Variants in PROSER2 observed in about 807,000 individuals in gnomAD.
The protein encoded by PROSER2 is proline and serine-rich protein 2.
Under a neutral mutation model 14.6 loss-of-function variants are expected in PROSER2, and 18 were observed. The ratio of observed to expected loss-of-function variants is 1.23; its 90% confidence interval spans 0.85 to 1.83. The LOEUF (loss-of-function observed/expected upper bound fraction) is 1.83, where lower values mean the gene tolerates loss of function less well. PROSER2 is among the 40% of genes most tolerant of loss of function. The probability of loss-of-function intolerance (pLI) is 0.00; values close to 1 mark genes in which losing one functional copy is unlikely to be tolerated. For synonymous variants in PROSER2, 367 were observed against 286.4 expected, an observed-to-expected ratio of 1.28 and a Z score of -2.84; for missense variants, 823 against 629.8, an observed-to-expected ratio of 1.31 and a Z score of -3.28.
At chr10:11,827,672 C>T (rs1178493944) in intron 1 of PROSER2, among the ~76,000 whole-genome samples, 1 of 144,688 alleles carries the variant, frequency 6.9e-6, no homozygotes, top group Non-Finnish European at 1.5e-5. Context: ...GGCATACAAA[C>T]ATGGAAGTCC....
chr10:11,847,376 G>T (rs906615681), intron 1 of PROSER2, among the ~76,000 whole-genome samples: 11 of 152,070 alleles, frequency 7.2e-5, no homozygotes, highest in African/African-American at 2.7e-4. Context: ...GATGGAGTCA[G>T]TGGCTGGTTT....
Position 11,856,105 on chromosome 10 carries a change from C to T in PROSER2, c.138+3890C>T, listed in dbSNP as rs1016982964. ...GCTTTGATGTGTGTGCAAGGCGGTG[C>T]TTCCTGACAACGTCGGGAGTGTGCT... On this transcript the variant is annotated intron_variant, in intron 2 of 3. Transcript: ENST00000277570. The surrounding 1 kb of genome is among the most constrained non-coding windows in gnomAD (Gnocchi z 5.3). 8.5e-5 allele frequency among the ~76,000 whole-genome samples: 13 copies of T among 152,336 alleles called. No individual in the cohort carries two copies. Among genetic ancestry groups the T allele is most frequent in the African/African-American group, 2.9e-4 (12 of 41,580 alleles).
In PROSER2 at chr10:11,870,917, A is replaced by C. The variant is rs1834476668; in HGVS notation, c.*511A>C. Reference sequence around the variant, plus strand: ...TACTTGCTTTTGTTTTTGAAGGGTGAGGCATCATGGTACTTTGCTTTTGTT... The same window carrying C: ...TACTTGCTTTTGTTTTTGAAGGGTGCGGCATCATGGTACTTTGCTTTTGTT... On this transcript the variant is annotated 3_prime_UTR_variant, in exon 4 of 4. Transcript: ENST00000277570. 1 of 158,752 alleles carries C rather than the reference A, an allele frequency of 6.3e-6. No homozygotes were observed. The highest frequency in any genetic ancestry group is 1.5e-5 in the Non-Finnish European group (1 of 68,108). The allele number at this position is 158,752 out of a possible 1,614,324, so 9.8% of individuals were successfully genotyped here.
At chr10:11,833,172 G>T (rs1025466982) in intron 1 of PROSER2, among the ~76,000 whole-genome samples, 1 of 147,044 alleles carries the variant, frequency 6.8e-6, no homozygotes, top group Non-Finnish European at 1.5e-5. Context: ...TATGAATTTT[G>T]GTTAAGTAAC....
intron 1 of PROSER2, among the ~76,000 whole-genome samples, chr10:11,841,430 T>A (rs1475805427): frequency 6.6e-6 from 1 of 152,152 alleles, no homozygotes; most frequent in Non-Finnish European, 1.5e-5. Flanking sequence ...TCTATTTAAT[T>A]TCATGTTCTT....
rs1231663519 is a variant in PROSER2 at position 11,871,068 on chromosome 10, C to CT, written c.*663dup. The CT allele has an allele frequency of 6.6e-6, 1 of 152,126 alleles. No individual in the cohort carries two copies. Among genetic ancestry groups the CT allele is most frequent in the African/African-American group, 2.4e-5 (1 of 41,392 alleles). The allele number at this position is 152,126 out of a possible 1,614,324, so 9.4% of individuals were successfully genotyped here. Reference sequence around the variant, plus strand: ...TTGAGAAAGCAAGTCTCATCAGACTCTGAGGTCTGGGACGTGTGCGTGAGC... The same window carrying CT: ...TTGAGAAAGCAAGTCTCATCAGACTCTTGAGGTCTGGGACGTGTGCGTGAGC... On this transcript the variant is annotated 3_prime_UTR_variant, in exon 4 of 4. Coordinates refer to ENST00000277570, the MANE Select transcript of PROSER2 (RefSeq NM_153256.4).
At chr10:11,848,593 A>G (rs1342201957) in intron 1 of PROSER2, among the ~76,000 whole-genome samples, 2 of 152,058 alleles carry the variant, frequency 1.3e-5, no homozygotes, top group African/African-American at 4.8e-5. Flanking sequence ...GTCTTTCTAA[A>G]CTGTAAGTGG....
At chr10:11,864,239 C>G (rs1834300210) in intron 2 of PROSER2, among the ~76,000 whole-genome samples, 1 of 152,186 alleles carries the variant, frequency 6.6e-6, no homozygotes, top group African/African-American at 2.4e-5. Flanking sequence ...CCCCCATTGT[C>G]TCCCGGCTTC....
intron 2 of PROSER2, among the ~76,000 whole-genome samples, chr10:11,854,951 A>G (rs1834095431): frequency 6.6e-6 from 1 of 151,910 alleles, no homozygotes; most frequent in Non-Finnish European, 1.5e-5. Flanking sequence ...AATCAACTAT[A>G]GCAGTCTCTT....
At chr10:11,832,517 G>A (rs1362954116) in intron 1 of PROSER2, among the ~76,000 whole-genome samples, 2 of 152,150 alleles carry the variant, frequency 1.3e-5, no homozygotes, top group Admixed American at 6.5e-5. Flanking sequence ...ATTGGGAGGC[G>A]TTACTGGGTT....
chr10:11,828,858 G>A (rs896422983), intron 1 of PROSER2, among the ~76,000 whole-genome samples: 3 of 152,166 alleles, frequency 2.0e-5, no homozygotes, highest in Admixed American at 2.0e-4. Context: ...TTCAATGTCC[G>A]ATGTGAATTG....
At chr10:11,845,718 G>C (rs571126970) in intron 1 of PROSER2, among the ~76,000 whole-genome samples, 18 of 152,092 alleles carry the variant, frequency 1.2e-4, no homozygotes, top group Admixed American at 1.2e-3. Flanking sequence ...GGTCCTCGGC[G>C]GGACCCAGCA....
In PROSER2 at chr10:11,866,797, C is replaced by G. The variant is rs192672837; in HGVS notation, c.391+14C>G. 2 of 1,604,438 alleles carry G rather than the reference C, an allele frequency of 1.2e-6. No individual in the cohort carries two copies. Among genetic ancestry groups the G allele is most frequent in the African/African-American group, 2.7e-5 (2 of 74,800 alleles). ...CCCAGGCAGCAGGTGAGGGGGAAGA[C>G]AGGCCATCCCTGGGATGTGGTTTCC... On this transcript the variant is annotated intron_variant, in intron 3 of 3. Transcript: ENST00000277570. The surrounding 1 kb of genome is among the most constrained non-coding windows in gnomAD (Gnocchi z 6.0).
intron 2 of PROSER2, among the ~76,000 whole-genome samples, chr10:11,857,609 G>T (rs1428761113): frequency 1.3e-5 from 2 of 152,008 alleles, no homozygotes; most frequent in African/African-American, 4.8e-5. Context: ...GCCAGGCGTG[G>T]TGACGCGTGC....
Position 11,870,510 on chromosome 10 carries a change from G to C in PROSER2, c.*104G>C. ...TTTGGTCTAAAATGGAAGTGACAGCGGGAGCCCCTGCCCTCTGTGGCACAT... is the reference window on the plus strand; with the variant it reads ...TTTGGTCTAAAATGGAAGTGACAGCCGGAGCCCCTGCCCTCTGTGGCACAT... On this transcript the variant is annotated 3_prime_UTR_variant, in exon 4 of 4. Transcript: ENST00000277570. 2.0e-6 allele frequency: 2 copies of C among 1,019,540 alleles called. No individual in the cohort carries two copies. The highest frequency in any genetic ancestry group is 2.7e-6 in the Non-Finnish European group (2 of 742,114). The allele number at this position is 1,019,540 out of a possible 1,614,324, so 63.2% of individuals were successfully genotyped here.
rs963248169 is a variant in PROSER2, at chr10:11,865,534, C to G, written c.139-997C>G. Among the ~76,000 whole-genome samples, 1 of 152,232 alleles carries G rather than the reference C, an allele frequency of 6.6e-6. No individual in the cohort carries two copies. Among genetic ancestry groups the G allele is most frequent in the Non-Finnish European group, 1.5e-5 (1 of 68,040 alleles). On this transcript the variant is annotated intron_variant, in intron 2 of 3. Transcript: ENST00000277570. This position sits in a 1 kb window ranked among gnomAD's most constrained non-coding sequence, Gnocchi z 4.2. ...TACTCCAGAGTAGGACAGTAAGAAA[C>G]TGCTGCGCAGTTCTACACTGGGATT... is the stretch of plus-strand genomic sequence containing the variant.
chr10:11,855,656 C>T (rs893988204), intron 2 of PROSER2, among the ~76,000 whole-genome samples: 5 of 152,066 alleles, frequency 3.3e-5, no homozygotes, highest in Non-Finnish European at 5.9e-5. Context: ...GGTTTGGTGA[C>T]GCACAACTGT....
Position 11,830,849 on chromosome 10 carries a change from G to T in PROSER2, c.-82+7379G>T, listed in dbSNP as rs1214427417. On this transcript the variant is annotated intron_variant, in intron 1 of 3. Transcript: ENST00000277570. The surrounding 1 kb of genome is among the most constrained non-coding windows in gnomAD (Gnocchi z 4.5). ...TGTGCCCACAGGCTTGGATTGACTTGAGGAATTTGCTAGCAGGTTCCCCAG... is the reference window on the plus strand; with the variant it reads ...TGTGCCCACAGGCTTGGATTGACTTTAGGAATTTGCTAGCAGGTTCCCCAG... Among the ~76,000 whole-genome samples the T allele has an allele frequency of 6.6e-6, 1 of 152,192 alleles. No homozygotes were observed. The highest frequency in any genetic ancestry group is 2.4e-5 in the African/African-American group (1 of 41,450).
rs991986837 is a variant in PROSER2, at chr10:11,866,067, C to T, written c.139-464C>T. 6.6e-6 allele frequency among the ~76,000 whole-genome samples: 1 copy of T among 152,056 alleles called. No homozygotes were observed. Among genetic ancestry groups the T allele is most frequent in the Non-Finnish European group, 1.5e-5 (1 of 68,014 alleles). On this transcript the variant is annotated intron_variant, in intron 2 of 3. Coordinates refer to ENST00000277570, the MANE Select transcript of PROSER2 (RefSeq NM_153256.4). The surrounding 1 kb of genome is among the most constrained non-coding windows in gnomAD (Gnocchi z 6.0). ...GATGCGTGCTCCACCATCTCTCTTC[C>T]TGTTATTTTGTCATTGTGATTTGTG... is the stretch of plus-strand genomic sequence containing the variant.
Sources: gnomAD v4.1 joint callset for allele counts (sites outside exome capture counted in the v4.1 genomes callset) on GRCh38, gnomAD v4.1.1 for gene constraint, Gnocchi (gnomAD v3.1) non-coding constraint, MANE v1.5 for transcripts, NCBI Gene and HGNC (gene_info 2026-07-23, HGNC 2026-07-21) for gene names.